The following RABGAP1L variants were observed in gnomAD, a reference collection of about 807,000 sequenced individuals.
RABGAP1L encodes the protein rab GTPase-activating protein 1-like.
In RABGAP1L, 63 loss-of-function variants were observed where a neutral mutation model predicts 137.7. The ratio of observed to expected loss-of-function variants is 0.46; its 90% CI spans 0.37 to 0.56. RABGAP1L has a LOEUF of 0.56. Ranked by LOEUF, RABGAP1L falls within the 20% of genes least tolerant of loss-of-function variation. The pLI is 0.00. For missense variants in RABGAP1L, 1,095 were observed against 1,244.0 expected (o/e 0.88, Z 1.80); for synonymous variants, 431 against 433.7 (o/e 0.99, Z 0.08).
intron 19 of RABGAP1L, among the ~76,000 whole-genome samples, chr1:174,919,852 A>G (rs985966034): frequency 2.6e-5 from 4 of 152,166 alleles, no homozygotes; most frequent in Non-Finnish European, 5.9e-5. Flanking sequence ...ACCTTGTCTC[A>G]AAACAAAACA....
At chr1:174,263,581 C>T (rs979988974) in intron 7 of RABGAP1L, among the ~76,000 whole-genome samples, 1 of 151,984 alleles carries the variant, frequency 6.6e-6, no homozygotes, top group African/African-American at 2.4e-5. Context: ...TTTAGATAAT[C>T]TTTTTACTGT....
chr1:174,739,330 T>C (rs1683201322), intron 17 of RABGAP1L, among the ~76,000 whole-genome samples: 1 of 152,196 alleles, frequency 6.6e-6, no homozygotes, highest in African/African-American at 2.4e-5. Flanking sequence ...TAACTGAAAA[T>C]ATACTAGAAG....
chr1:174,569,574 A>G (rs1667831735), intron 13 of RABGAP1L, among the ~76,000 whole-genome samples: 1 of 152,116 alleles, frequency 6.6e-6, no homozygotes, highest in Admixed American at 6.6e-5. Flanking sequence ...CCTTACTAAC[A>G]AAGATCAGAG....
Position 174,458,634 on chromosome 1 carries a change from T to C in RABGAP1L, c.1710+64489T>C, listed in dbSNP as rs763702913. On this transcript the variant is annotated intron_variant, in intron 13 of 25. Coordinates refer to ENST00000681986, the MANE Select transcript of RABGAP1L (RefSeq NM_001366446.1). The stretch of plus-strand genomic sequence containing the variant: ...AGTTCTTACTATTATATAGCTAATC[T>C]ACATTACTTATATTTAGATTTTTCC... 2.8e-4 allele frequency among the ~76,000 whole-genome samples: 42 copies of C among 152,164 alleles called. 1 individual carries two copies. Among genetic ancestry groups the C allele is most frequent in the Non-Finnish European group, 5.9e-5 (4 of 67,996 alleles).
chr1:174,413,691 G>A (rs907764020), intron 13 of RABGAP1L, among the ~76,000 whole-genome samples: 2 of 151,972 alleles, frequency 1.3e-5, no homozygotes, highest in Admixed American at 1.3e-4. Flanking sequence ...CTATGGGTGA[G>A]ACTGCAGAGA....
rs1661198872 is a variant in RABGAP1L, at chr1:174,500,901, T to G, written c.1710+106756T>G. Among the ~76,000 whole-genome samples, 7 of 152,296 alleles carry G rather than the reference T, an allele frequency of 4.6e-5. No individual in the cohort carries two copies. The South Asian group carries it at 1.5e-3, about 32-fold the overall frequency. On this transcript the variant is annotated intron_variant, in intron 13 of 25. Transcript: ENST00000681986. ...ATAATTAAATGGGAGTGATGAATCA[T>G]TGAGACTGTCTTTTTACCTGCCGCT...
chr1:174,919,103 C>T (rs1240926146), intron 19 of RABGAP1L, among the ~76,000 whole-genome samples: 2 of 151,862 alleles, frequency 1.3e-5, no homozygotes, highest in African/African-American at 2.4e-5. Flanking sequence ...ACTGCAACCT[C>T]CGCCTCCCAG....
At chr1:174,259,836 C>CTT (rs1673432312) in intron 7 of RABGAP1L, among the ~76,000 whole-genome samples, 3 of 138,800 alleles carry the variant, frequency 2.2e-5, no homozygotes, top group African/African-American at 7.9e-5. Context: ...ATTATTACTG[C>CTT]ATTTTTTTTT....
intron 1 of RABGAP1L, among the ~76,000 whole-genome samples, chr1:174,216,656 C>T (rs1571594037): frequency 6.7e-6 from 1 of 150,310 alleles, no homozygotes; most frequent in East Asian, 2.0e-4. Context: ...CATAGATCCA[C>T]ATTTTTGACC....
chr1:174,895,994 T>A (rs941097388), intron 19 of RABGAP1L, among the ~76,000 whole-genome samples: 2 of 152,238 alleles, frequency 1.3e-5, no homozygotes, highest in Non-Finnish European at 2.9e-5. Context: ...TATTTCTAGT[T>A]CTAGATCCTT....
At chr1:174,295,135 G>T (rs1676999564) in intron 10 of RABGAP1L, among the ~76,000 whole-genome samples, 1 of 151,598 alleles carries the variant, frequency 6.6e-6, no homozygotes, top group Non-Finnish European at 1.5e-5. Context: ...GCCAAGATGG[G>T]CTCGATGTCC....
At chr1:174,370,025 A>G (rs1245452606) in intron 11 of RABGAP1L, among the ~76,000 whole-genome samples, 6 of 152,226 alleles carry the variant, frequency 3.9e-5, no homozygotes, top group Non-Finnish European at 7.3e-5. Context: ...GATGTTGCAT[A>G]TACTTGGATC....
intron 19 of RABGAP1L, among the ~76,000 whole-genome samples, chr1:174,947,038 C>G (rs1315291134): frequency 7.0e-6 from 1 of 143,852 alleles, no homozygotes; most frequent in Non-Finnish European, 1.5e-5. Flanking sequence ...AGTGCTGCAG[C>G]ATGCATTTTG....
rs74126861 is a variant in RABGAP1L, at chr1:174,658,617, A to T, written c.1824+21129A>T. The stretch of plus-strand genomic sequence containing the variant: ...TGTGCCAGGATGTCACCCTAGGTGA[A>T]CTCCTCCTTATCTTGTCATACATTG... On this transcript the variant is annotated intron_variant, in intron 14 of 25. Coordinates refer to ENST00000681986, the MANE Select transcript of RABGAP1L (RefSeq NM_001366446.1). Among the ~76,000 whole-genome samples, 860 of 151,846 alleles carry T rather than the reference A, an allele frequency of 5.7e-3. 10 individuals carry two copies. Among genetic ancestry groups the T allele is most frequent in the African/African-American group, 0.02 (826 of 41,404 alleles).
At chr1:174,241,412 AC>A (rs2148557833) in intron 4 of RABGAP1L, 70 bp from the exon 5 acceptor site, 3 of 1,058,266 alleles carry the variant, frequency 2.8e-6, no homozygotes, top group East Asian at 2.6e-5. Context: ...AAAAAAAAAA[AC>A]CTAACTGGAA....
At chr1:174,319,243 T>C (rs956392181) in intron 11 of RABGAP1L, among the ~76,000 whole-genome samples, 1 of 152,110 alleles carries the variant, frequency 6.6e-6, no homozygotes, top group African/African-American at 2.4e-5. Flanking sequence ...ATTTTCCTCA[T>C]AGATCATGTA....
intron 1 of RABGAP1L, among the ~76,000 whole-genome samples, chr1:174,208,873 C>A (rs549157089): frequency 1.3e-5 from 2 of 152,232 alleles, no homozygotes; most frequent in South Asian, 4.1e-4. Context: ...CCAGTGAAGT[C>A]ATCTTTGGTG....
chr1:174,313,272 A>G (rs1679037548), intron 11 of RABGAP1L, among the ~76,000 whole-genome samples: 1 of 152,212 alleles, frequency 6.6e-6, no homozygotes, highest in Admixed American at 6.5e-5. Context: ...GTTGTTGACA[A>G]TTGGCATATG....
chr1:174,645,105 A>C (rs1674854742), intron 14 of RABGAP1L, among the ~76,000 whole-genome samples: 1 of 152,128 alleles, frequency 6.6e-6, no homozygotes, highest in Non-Finnish European at 1.5e-5. Flanking sequence ...GAGATGATAG[A>C]TATGTTACTC....
Sources: gnomAD v4.1 joint callset for allele counts (sites outside exome capture counted in the v4.1 genomes callset) on GRCh38, gnomAD v4.1.1 for gene constraint, MANE v1.5 for transcripts, NCBI Gene and HGNC (gene_info 2026-07-23, HGNC 2026-07-21) for gene names.